The following ANKRD36 variants were observed in gnomAD, a reference collection of about 807,000 sequenced individuals.
The protein encoded by ANKRD36 is ankyrin repeat domain 36, also known as ankyrin repeat domain-containing protein 36A.
A neutral mutation model predicts 278.1 loss-of-function variants in ANKRD36; 179 were observed. That is an observed-to-expected ratio of 0.64 (90% confidence interval 0.57 to 0.73). The LOEUF is 0.73. Ranked by LOEUF, ANKRD36 falls within the 30% of genes least tolerant of loss-of-function variation. The pLI, the probability that ANKRD36 is intolerant of heterozygous loss-of-function variation, is 0.00. For synonymous variants in ANKRD36, 320 were observed against 641.1 expected (o/e 0.50, Z 7.57); for missense variants, 1,159 against 1,956.7 (o/e 0.59, Z 7.69).
At chr2:97,227,398 G>A (rs1161430864) in intron 67 of ANKRD36, among the ~76,000 whole-genome samples, 1 of 152,094 alleles carries the variant, frequency 6.6e-6, no homozygotes. Context: ...ATTGTGAATG[G>A]GAATTCACTC....
At chr2:97,187,494 G>GGTC in intron 32 of ANKRD36, 93 bp downstream of exon 32, 1 of 95,514 alleles carries the variant, frequency 1.0e-5, no homozygotes. Flanking sequence ...GGGTGGGGGG[G>GGTC]CTCGCCGAAG....
At chr2:97,190,147 T>G (rs562866253) in intron 34 of ANKRD36, among the ~76,000 whole-genome samples, 1 of 90,538 alleles carries the variant, frequency 1.1e-5, no homozygotes, top group East Asian at 2.2e-4. Flanking sequence ...ACAAAAATTA[T>G]GTTGAATTCT....
rs146629210 is a variant in ANKRD36, at chr2:97,192,923, G to C, written c.2376+37G>C. On this transcript the variant is annotated intron_variant, in intron 37 of 75. Coordinates refer to ENST00000420699, the MANE Select transcript of ANKRD36 (RefSeq NM_001354587.1). ...CTCATTTATATTGTGAATGAGTTAA[G>C]GTATGGTCTATGAAACATACTTTAT... 4 of 1,600,870 alleles carry C rather than the reference G, an allele frequency of 2.5e-6. 1 individual carries two copies. In the South Asian group the frequency reaches 4.4e-5, roughly 18 times the overall value.
chr2:97,153,037 C>G (rs1227667985), intron 14 of ANKRD36, among the ~76,000 whole-genome samples: 1 of 152,238 alleles, frequency 6.6e-6, no homozygotes, highest in Non-Finnish European at 1.5e-5. Flanking sequence ...AGGCAGTTAT[C>G]AGTTATCTGT....
At chr2:97,139,331 G>T (rs199573633) in intron 6 of ANKRD36, among the ~76,000 whole-genome samples, 4 of 151,840 alleles carry the variant, frequency 2.6e-5, no homozygotes, top group African/African-American at 9.7e-5. Flanking sequence ...TCACCCAAAT[G>T]CACATTAAAA....
At chr2:97,158,705 C>T in intron 17 of ANKRD36, 50 bp downstream of exon 17, 1 of 1,466,092 alleles carries the variant, frequency 6.8e-7, no homozygotes, top group East Asian at 2.5e-5. Context: ...AGAGTCCAGT[C>T]CTGTTCACCA....
Position 97,228,724 on chromosome 2 carries a change from A to G in ANKRD36, c.3951+3845A>G, listed in dbSNP as rs538579319. Among the ~76,000 whole-genome samples the G allele has an allele frequency of 4.2e-4, 64 of 151,008 alleles. 2 individuals carry two copies. In the South Asian group the frequency reaches 8.3e-3, roughly 20 times the overall value. Reference sequence around the variant, plus strand: ...TGCTTTTCTAGTTCTTTTAATTGTGATGTTAGGGTGTCAATTTTGGATCTT... The same window carrying G: ...TGCTTTTCTAGTTCTTTTAATTGTGGTGTTAGGGTGTCAATTTTGGATCTT... On this transcript the variant is annotated intron_variant, in intron 67 of 75. Coordinates refer to ENST00000420699, the MANE Select transcript of ANKRD36 (RefSeq NM_001354587.1).
chr2:97,173,557 T>C (rs1212109663), intron 22 of ANKRD36, among the ~76,000 whole-genome samples: 1 of 151,814 alleles, frequency 6.6e-6, no homozygotes, highest in African/African-American at 2.4e-5. Flanking sequence ...CAGAATGGGA[T>C]TGTACAGATG....
chr2:97,123,079 A>G, intron 4 of ANKRD36, 86 bp downstream of exon 4: 1 of 1,100,012 alleles, frequency 9.1e-7, no homozygotes, highest in South Asian at 1.7e-5. Flanking sequence ...CAAATATTAC[A>G]TTAATAAGAA....
Position 97,187,190 on chromosome 2 carries a change from C to A in ANKRD36, c.2042-8C>A, listed in dbSNP as rs1293099136. The stretch of plus-strand genomic sequence containing the variant: ...TATGAGTGATTATGTATCCCTTTTG[C>A]TTTTCAGTGTCTTCTCAGAAACAAC... On this transcript the variant is annotated splice_region_variant and splice_polypyrimidine_tract_variant and intron_variant, in intron 30 of 75. Coordinates refer to ENST00000420699, the MANE Select transcript of ANKRD36 (RefSeq NM_001354587.1). The A allele has an allele frequency of 3.7e-6, 6 of 1,609,358 alleles. No homozygotes were observed. The African/African-American group carries it at 6.7e-5, about 18-fold the overall frequency.
At chr2:97,204,568 G>A (rs59559262) in intron 50 of ANKRD36, among the ~76,000 whole-genome samples, 3 of 151,266 alleles carry the variant, frequency 2.0e-5, no homozygotes, top group South Asian at 4.2e-4. Flanking sequence ...GTTTTCAGTA[G>A]GGGTGGAGGG....
chr2:97,129,483 C>T (rs1457123446), intron 6 of ANKRD36, among the ~76,000 whole-genome samples: 1 of 152,040 alleles, frequency 6.6e-6, no homozygotes, highest in African/African-American at 2.4e-5. Context: ...TAATTAGATC[C>T]CATTTGTCAA....
Position 97,183,502 on chromosome 2 carries a change from A to C in ANKRD36, c.1866+15A>C, listed in dbSNP as rs2056737406. On this transcript the variant is annotated intron_variant, in intron 27 of 75. Coordinates refer to ENST00000420699, the MANE Select transcript of ANKRD36 (RefSeq NM_001354587.1). ...CGGCCTGGAAGGTAGTTACTCTTTCATTTATATTTTGAATTATTTATTTTA... is the reference window on the plus strand; with the variant it reads ...CGGCCTGGAAGGTAGTTACTCTTTCCTTTATATTTTGAATTATTTATTTTA... 1 of 1,559,782 alleles carries C rather than the reference A, an allele frequency of 6.4e-7. No homozygotes were observed. Among genetic ancestry groups the C allele is most frequent in the African/African-American group, 1.4e-5 (1 of 72,644 alleles).
chr2:97,175,565 CA>C (rs34557722), intron 22 of ANKRD36, among the ~76,000 whole-genome samples: 2 of 151,764 alleles, frequency 1.3e-5, no homozygotes, highest in African/African-American at 4.8e-5. Context: ...TTGATCCTTT[CA>C]AAAAACCAGC....
intron 48 of ANKRD36, among the ~76,000 whole-genome samples, chr2:97,203,433 T>C (rs1318270302): frequency 7.9e-5 from 12 of 151,918 alleles, no homozygotes; most frequent in Non-Finnish European, 1.6e-4. Flanking sequence ...AAGAAACTTT[T>C]GGAAGGCTAA....
At chr2:97,140,291 T>C (rs1260519179) in intron 6 of ANKRD36, among the ~76,000 whole-genome samples, 1 of 151,756 alleles carries the variant, frequency 6.6e-6, no homozygotes, top group African/African-American at 2.4e-5. Context: ...GCAGTGTCAT[T>C]GGAGTTAAAG....
At chr2:97,229,754 A>G (rs895858279) in intron 67 of ANKRD36, among the ~76,000 whole-genome samples, 12 of 152,032 alleles carry the variant, frequency 7.9e-5, no homozygotes, top group African/African-American at 2.9e-4. Context: ...ATATTTTGGC[A>G]TGATTTTGCA....
chr2:97,142,808 A>G lies in ANKRD36; in HGVS notation c.874A>G (p.Ile292Val). Residue 292 changes from isoleucine to valine, a missense_variant, in exon 8 of 76, where the codon ATA (isoleucine) becomes GTA (valine). Coordinates refer to ENST00000420699, the MANE Select transcript of ANKRD36 (RefSeq NM_001354587.1). The stretch of plus-strand genomic sequence containing the variant: ...TTCTATTTCAAATATAGCCACAGAA[A>G]TAAAGGATGGACAAAAATCTGGGAC... ...EDSISNIATE[I>V]KDGQKSGTVS... 6.4e-7 allele frequency: 1 copy of G among 1,568,278 alleles called. No individual in the cohort carries two copies. Among genetic ancestry groups the G allele is most frequent in the Non-Finnish European group, 8.6e-7 (1 of 1,156,626 alleles).
intron 58 of ANKRD36, chr2:97,213,050 G>A (rs1447050896): frequency 6.2e-6 from 3 of 487,348 alleles, no homozygotes; most frequent in African/African-American, 4.0e-5. Context: ...TTGCATGGAA[G>A]ACATGTGGCA....
Sources: gnomAD v4.1 joint callset for allele counts (sites outside exome capture counted in the v4.1 genomes callset) on GRCh38, gnomAD v4.1.1 for gene constraint, MANE v1.5 for transcripts, NCBI Gene and HGNC (gene_info 2026-07-23, HGNC 2026-07-21) for gene names.